Variants in OTOGL observed in about 807,000 individuals in gnomAD.
OTOGL encodes the protein otogelin-like protein.
OTOGL carries 285 observed loss-of-function variants against 318.5 expected under a neutral mutation model. The ratio of observed to expected loss-of-function variants is 0.89; its 90% CI spans 0.81 to 0.99. The LOEUF (loss-of-function observed/expected upper bound fraction) is 0.99, where lower values mean the gene tolerates loss of function less well. OTOGL is among the 50% of genes least tolerant of loss of function. The pLI is 0.00. For missense variants in OTOGL, 2,899 were observed against 2,845.6 expected (o/e 1.02, Z -0.43); for synonymous variants, 987 against 936.5 (o/e 1.05, Z -0.99).
chr12:80,252,076 C>A lies in OTOGL; in HGVS notation c.1160C>A (p.Thr387Asn). The part of the protein sequence containing the change: ...QDWRDDFPAC[T>N]DKCDDSFVHR... Reference sequence around the variant, plus strand: ...AAGCTCCCCTGTTTGTCTGTTTTAGCTGATAAATGTGATGATAGCTTTGTC... The same window carrying A: ...AAGCTCCCCTGTTTGTCTGTTTTAGATGATAAATGTGATGATAGCTTTGTC... Residue 387 changes from threonine (T) to asparagine (N), a missense_variant and splice_region_variant, in exon 13 of 59, where the codon ACT becomes AAT. Physicochemically the swap from Thr to Asn is moderately conservative, Grantham distance 65 (BLOSUM62 0). Transcript: ENST00000547103. The A allele has an allele frequency of 1.3e-6, 2 of 1,539,196 alleles. No homozygotes were observed. Among genetic ancestry groups the A allele is most frequent in the East Asian group, 2.5e-5 (1 of 40,248 alleles).
intron 7 of OTOGL, among the ~76,000 whole-genome samples, chr12:80,225,337 C>T (rs542908486): frequency 3.6e-4 from 54 of 152,044 alleles, no homozygotes; most frequent in Admixed American, 1.7e-3. Flanking sequence ...GAGGTGTCAA[C>T]GAGATAACCT....
intron 42 of OTOGL, among the ~76,000 whole-genome samples, chr12:80,338,577 A>G (rs920049339): frequency 2.4e-4 from 37 of 152,182 alleles, no homozygotes; most frequent in African/African-American, 8.7e-4. Flanking sequence ...TGCTAAAAAT[A>G]CAGTCTATAA....
At chr12:80,186,238 T>C (rs1009182701) in intron 1 of OTOGL, among the ~76,000 whole-genome samples, 1 of 152,184 alleles carries the variant, frequency 6.6e-6, no homozygotes, top group East Asian at 1.9e-4. Flanking sequence ...GGCTCTACCA[T>C]ATGCCCAGGT....
intron 1 of OTOGL, among the ~76,000 whole-genome samples, chr12:80,149,200 C>G (rs1872606544): frequency 6.6e-6 from 1 of 152,146 alleles, no homozygotes; most frequent in Non-Finnish European, 1.5e-5. Context: ...TACTTTTGGT[C>G]TTTGGTAATG....
At chr12:80,358,464 G>A in intron 50 of OTOGL, 115 bp downstream of exon 50, 1 of 890,340 alleles carries the variant, frequency 1.1e-6, no homozygotes. Context: ...CATTTGATGA[G>A]CTATCCTAGC....
At chr12:80,287,254 C>T (rs1414513839) in intron 26 of OTOGL, among the ~76,000 whole-genome samples, 2 of 151,648 alleles carry the variant, frequency 1.3e-5, no homozygotes, top group Non-Finnish European at 2.9e-5. Flanking sequence ...GCAGTGTGGT[C>T]TGAGAGACTG....
intron 22 of OTOGL, 132 bp from the exon 23 acceptor site, chr12:80,269,970 C>T: frequency 2.6e-6 from 2 of 758,174 alleles, no homozygotes; most frequent in East Asian, 2.7e-5. Context: ...CTTGTAAAAA[C>T]TTCTGTGGGA....
chr12:80,238,279 A>C (rs1880041001), intron 9 of OTOGL, among the ~76,000 whole-genome samples: 1 of 152,206 alleles, frequency 6.6e-6, no homozygotes, highest in Non-Finnish European at 1.5e-5. Flanking sequence ...TATTTAGATG[A>C]AATAGATACA....
intron 30 of OTOGL, among the ~76,000 whole-genome samples, chr12:80,312,449 AT>A (rs1469551223): frequency 6.6e-6 from 1 of 152,194 alleles, no homozygotes; most frequent in African/African-American, 2.4e-5. Context: ...TTATTTTTAA[AT>A]GTCTCATTTT....
chr12:80,158,119 C>G (rs1030556578), intron 1 of OTOGL, among the ~76,000 whole-genome samples: 1 of 151,986 alleles, frequency 6.6e-6, no homozygotes, highest in Non-Finnish European at 1.5e-5. Flanking sequence ...ACTCTAAAAT[C>G]TATAAAGCTC....
At chr12:80,371,684 T>G (rs1270232883) in intron 56 of OTOGL, among the ~76,000 whole-genome samples, 1 of 152,130 alleles carries the variant, frequency 6.6e-6, no homozygotes, top group Non-Finnish European at 1.5e-5. Context: ...TTTCAAGGAG[T>G]TGAAAATATA....
intron 1 of OTOGL, among the ~76,000 whole-genome samples, chr12:80,167,608 A>G (rs1015480964): frequency 6.6e-6 from 1 of 152,132 alleles, no homozygotes; most frequent in Admixed American, 6.6e-5. Flanking sequence ...TCTTCTAGGA[A>G]TGTTCATCTG....
rs754900724 is a variant in OTOGL at position 80,305,532 on chromosome 12, A to G, written c.3214-44A>G. 2.9e-6 allele frequency: 4 copies of G among 1,389,662 alleles called. No individual in the cohort carries two copies. The South Asian group carries it at 5.6e-5, about 20-fold the overall frequency. The allele number at this position is 1,389,662 out of a possible 1,614,324, so 86.1% of individuals were successfully genotyped here. On this transcript the variant is annotated intron_variant, in intron 28 of 58. Transcript: ENST00000547103. ...TAATGAATATGAGTCTTTAAATGTT[A>G]AAGTGAAAACAGAATATTTCCTGGT...
At chr12:80,285,052 G>A (rs1884508396) in intron 26 of OTOGL, among the ~76,000 whole-genome samples, 1 of 151,962 alleles carries the variant, frequency 6.6e-6, no homozygotes, top group African/African-American at 2.4e-5. Context: ...ATTAATTTTT[G>A]TATAAGGTGT....
At chr12:80,216,624 C>T (rs1877748311) in intron 4 of OTOGL, among the ~76,000 whole-genome samples, 1 of 152,156 alleles carries the variant, frequency 6.6e-6, no homozygotes, top group Admixed American at 6.6e-5. Flanking sequence ...GCTTCACGTA[C>T]ATGGCTTTAA....
Position 80,367,614 on chromosome 12 carries a change from TCC to T in OTOGL, c.6386_6387del (p.Ser2129TyrfsTer21). 6.5e-7 allele frequency: 1 copy of T among 1,546,278 alleles called. No homozygotes were observed. Among genetic ancestry groups the T allele is most frequent in the Non-Finnish European group, 8.8e-7 (1 of 1,137,482 alleles). ...AGTATCAGTATTGAATCCTGGACAATCCATGATAAAGTATTTGGAAGAAGACT... is the reference window on the plus strand; with the variant it reads ...AGTATCAGTATTGAATCCTGGACAATATGATAAAGTATTTGGAAGAAGACT... ...QEVSVLNPGQ[S>X]MIKYLEEDFC... On this transcript the variant is annotated frameshift_variant, in exon 54 of 59. Coordinates refer to ENST00000547103, the MANE Select transcript of OTOGL (RefSeq NM_001378609.3). LOFTEE classifies it high-confidence loss of function.
intron 45 of OTOGL, among the ~76,000 whole-genome samples, chr12:80,352,820 T>A (rs1889635627): frequency 6.6e-6 from 1 of 152,230 alleles, no homozygotes; most frequent in South Asian, 2.1e-4. Flanking sequence ...CTTTTTACAT[T>A]CATTGACAAT....
chr12:80,197,787 C>G (rs908867834), intron 1 of OTOGL, among the ~76,000 whole-genome samples: 1 of 152,226 alleles, frequency 6.6e-6, no homozygotes, highest in Non-Finnish European at 1.5e-5. Context: ...CATCTTTCTC[C>G]TTCCCACAGT....
chr12:80,241,252 C>T (rs1023523287), intron 11 of OTOGL, among the ~76,000 whole-genome samples: 2 of 152,024 alleles, frequency 1.3e-5, no homozygotes, highest in Admixed American at 6.6e-5. Flanking sequence ...TTTGTGACAT[C>T]TCTTACTTTT....
Sources: gnomAD v4.1 joint callset for allele counts (sites outside exome capture counted in the v4.1 genomes callset) on GRCh38, gnomAD v4.1.1 for gene constraint, MANE v1.5 for transcripts, NCBI Gene and HGNC (gene_info 2026-07-23, HGNC 2026-07-21) for gene names.